Variants in NFIB observed in about 807,000 individuals in gnomAD.
NFIB encodes the protein nuclear factor 1 B-type.
In NFIB, 11 loss-of-function variants were observed where a neutral mutation model predicts 61.5. The ratio of observed to expected loss-of-function variants is 0.18; its 90% confidence interval spans 0.11 to 0.30. The LOEUF is 0.30. Ranked by LOEUF, NFIB falls within the 10% of genes least tolerant of loss-of-function variation. The pLI, the probability that NFIB is intolerant of heterozygous loss-of-function variation, is 1.00. For synonymous variants in NFIB, 260 were observed against 216.5 expected, an observed-to-expected ratio of 1.20 and a Z score of -1.76; for missense variants, 471 against 608.9, an observed-to-expected ratio of 0.77 and a Z score of 2.38.
At chr9:14,468,673 A>C in the NFIB span, among the ~76,000 whole-genome samples, 1 of 152,240 alleles carries the variant, frequency 6.6e-6, no homozygotes, top group East Asian at 1.9e-4. Flanking sequence ...AACTGGATAG[A>C]AAACTGGTGG....
At position 14,333,176 on chromosome 9, in the gene NFIB, T is replaced by C. The variant is rs553338456; in HGVS notation, c.109-25656A>G. ...CCTTTCACTCTGGCTTATGCTCACT[T>C]TCACAACACTTATGAAATACATTAT... On this transcript the variant is annotated intron_variant, in intron 1 of 8. Coordinates refer to the NFIB transcript ENST00000380934. Among the ~76,000 whole-genome samples the C allele has an allele frequency of 2.0e-5, 3 of 152,342 alleles. No homozygotes were observed. In the East Asian group the frequency reaches 5.8e-4, roughly 29 times the overall value.
the NFIB span, among the ~76,000 whole-genome samples, chr9:14,462,345 C>G: frequency 2.6e-5 from 4 of 151,220 alleles, no homozygotes; most frequent in Non-Finnish European, 4.4e-5. Flanking sequence ...TGCAGTGGCG[C>G]GATCTTGGCT....
chr9:14,448,780 A>G, the NFIB span, among the ~76,000 whole-genome samples: 2 of 152,218 alleles, frequency 1.3e-5, no homozygotes, highest in African/African-American at 4.8e-5. Context: ...TTGTCATCCC[A>G]TGGATAGCTG....
the NFIB span, among the ~76,000 whole-genome samples, chr9:14,447,217 C>T: frequency 8.5e-5 from 13 of 152,102 alleles, no homozygotes; most frequent in Admixed American, 6.5e-5. Context: ...TTTTAATAGC[C>T]TGTGTCTGAA....
chr9:14,420,445 C>CAAAAAAAAAAAAAAAAAAAAA, the NFIB span, among the ~76,000 whole-genome samples: 97 of 42,408 alleles, frequency 2.3e-3, 9 homozygotes, highest in Non-Finnish European at 2.6e-3. Context: ...GACTCCGTCT[C>CAAAAAAAAAAAAAAAAAAAAA]AAAAAAAAAA....
chr9:14,118,511 C>T (rs1226799464), intron 8 of NFIB, among the ~76,000 whole-genome samples: 3 of 152,082 alleles, frequency 2.0e-5, no homozygotes, highest in African/African-American at 4.8e-5. Flanking sequence ...ATGCAGACAA[C>T]TTTCCTAAAA....
intron 1 of NFIB, among the ~76,000 whole-genome samples, chr9:14,351,788 A>G (rs1156741177): frequency 1.3e-5 from 2 of 152,132 alleles, no homozygotes; most frequent in Non-Finnish European, 2.9e-5. Context: ...CCTTCTCACC[A>G]TTTTTCAAAT....
intron 2 of NFIB, among the ~76,000 whole-genome samples, chr9:14,183,773 C>A (rs185831304): frequency 1.3e-5 from 2 of 152,134 alleles, no homozygotes; most frequent in East Asian, 3.9e-4. Flanking sequence ...CAACCAAAAC[C>A]AGTCCTCCCT....
rs764585638 is a variant in NFIB, at chr9:14,083,755, G to A, written c.*4554C>T. 48 of 224,850 alleles carry A rather than the reference G, an allele frequency of 2.1e-4. No homozygotes were observed. Among genetic ancestry groups the A allele is most frequent in the Non-Finnish European group, 3.5e-4 (39 of 112,524 alleles). The allele number at this position is 224,850 out of a possible 1,614,324, so 13.9% of individuals were successfully genotyped here. On this transcript the variant is annotated 3_prime_UTR_variant, in exon 11 of 11. Transcript: ENST00000380953. ...AAAGAACATGTCCTGCTGTCACACC[G>A]CTGAAGATGTCCCTGTGCAATCTCT... is the stretch of plus-strand genomic sequence containing the variant.
chr9:14,330,668 C>G (rs565835003), intron 1 of NFIB, among the ~76,000 whole-genome samples: 2 of 152,184 alleles, frequency 1.3e-5, no homozygotes, highest in East Asian at 1.9e-4. Context: ...TTTTTTTAGA[C>G]AGAACACCAC....
intron 2 of NFIB, among the ~76,000 whole-genome samples, chr9:14,283,936 T>C (rs2058546122): frequency 6.6e-6 from 1 of 152,240 alleles, no homozygotes; most frequent in Non-Finnish European, 1.5e-5. Flanking sequence ...GTTCTCTAAC[T>C]CTGCTTCATA....
chr9:14,117,149 G>A (rs1268310835), intron 8 of NFIB, among the ~76,000 whole-genome samples: 6 of 152,276 alleles, frequency 3.9e-5, no homozygotes, highest in African/African-American at 1.2e-4. Context: ...AATGAGCATT[G>A]TTATTTGAGT....
chr9:14,466,358 G>A, the NFIB span, among the ~76,000 whole-genome samples: 2 of 152,156 alleles, frequency 1.3e-5, no homozygotes, highest in Non-Finnish European at 2.9e-5. Context: ...ATGAGGCATG[G>A]AAAGACTGGG....
chr9:14,188,183 T>C (rs895386917), intron 2 of NFIB, among the ~76,000 whole-genome samples: 1 of 152,204 alleles, frequency 6.6e-6, no homozygotes, highest in Admixed American at 6.5e-5. Context: ...AAATAAAATG[T>C]GGTAATTAAA....
intron 2 of NFIB, among the ~76,000 whole-genome samples, chr9:14,187,043 G>GTATA (rs1364981311): frequency 1.4e-5 from 2 of 141,922 alleles, no homozygotes. Context: ...GTGTGTGTGT[G>GTATA]TGTGTGTGTG....
chr9:14,107,019 G>A (rs1217519751), intron 10 of NFIB, among the ~76,000 whole-genome samples: 1 of 151,814 alleles, frequency 6.6e-6, no homozygotes, highest in Admixed American at 6.6e-5. Context: ...AGAACATCTT[G>A]AAAGGTATGT....
In NFIB at chr9:14,339,066, A is replaced by T. The variant is rs552137294; in HGVS notation, c.109-31546T>A. On this transcript the variant is annotated intron_variant, in intron 1 of 8. Transcript: ENST00000380934. ...ATTCTCCACTTTACTTGGCCATCCC[A>T]TTTTAAACTTCTTGTTTCCCCTGAA... Among the ~76,000 whole-genome samples, 7 of 152,328 alleles carry T rather than the reference A, an allele frequency of 4.6e-5. No homozygotes were observed. The East Asian group carries it at 1.3e-3, about 29-fold the overall frequency.
intron 2 of NFIB, among the ~76,000 whole-genome samples, chr9:14,193,907 T>TC (rs1332635093): frequency 6.6e-6 from 1 of 152,140 alleles, no homozygotes; most frequent in East Asian, 1.9e-4. Flanking sequence ...TGTGCACACT[T>TC]AGCTGCCAGC....
chr9:14,191,136 T>C (rs2047904614), intron 2 of NFIB, among the ~76,000 whole-genome samples: 1 of 152,058 alleles, frequency 6.6e-6, no homozygotes, highest in Non-Finnish European at 1.5e-5. Flanking sequence ...GAGACCAGCC[T>C]GGCCAACATG....
Sources: gnomAD v4.1 joint callset for allele counts (sites outside exome capture counted in the v4.1 genomes callset) on GRCh38, gnomAD v4.1.1 for gene constraint, MANE v1.5 for transcripts, NCBI Gene and HGNC (gene_info 2026-07-23, HGNC 2026-07-21) for gene names.